The following IL1RAPL2 variants were observed in gnomAD, a reference collection of about 807,000 sequenced individuals.
The protein encoded by IL1RAPL2 is interleukin 1 receptor accessory protein like 2.
In IL1RAPL2, 3 loss-of-function variants were observed where a neutral mutation model predicts 44.1. The ratio of observed to expected loss-of-function variants is 0.07; its 90% CI spans 0.03 to 0.18. The LOEUF (loss-of-function observed/expected upper bound fraction) is 0.18, where lower values mean the gene tolerates loss of function less well. Ranked by LOEUF, IL1RAPL2 falls within the 10% of genes least tolerant of loss-of-function variation. IL1RAPL2 has a pLI of 1.00. For synonymous variants in IL1RAPL2, 181 were observed against 178.8 expected, an observed-to-expected ratio of 1.01 and a Z score of -0.10; for missense variants, 391 against 496.4, an observed-to-expected ratio of 0.79 and a Z score of 2.02.
chrX:105,447,772 A>G (rs1262872726), intron 5 of IL1RAPL2, among the ~76,000 whole-genome samples: 4 of 87,997 alleles, frequency 4.5e-5, no homozygotes, highest in Non-Finnish European at 8.2e-5. Context: ...AAATATATAT[A>G]AATATATTAA....
rs939329721 is a variant in IL1RAPL2 at position 105,626,237 on chromosome X, G to A, written c.773-91130G>A. On this transcript the variant is annotated intron_variant, in intron 6 of 10. Transcript: ENST00000372582. ...AAAGGGTGTTTTGAATTTTTGAGGT[G>A]CACACACATTTTATGTCAGAGAAAT... Among the ~76,000 whole-genome samples, 6 of 111,892 alleles carry A rather than the reference G, an allele frequency of 5.4e-5. No homozygotes were observed. In the East Asian group the frequency reaches 1.7e-3, roughly 32 times the overall value.
intron 2 of IL1RAPL2, among the ~76,000 whole-genome samples, chrX:105,158,775 T>G (rs1411581388): frequency 8.9e-6 from 1 of 111,992 alleles, no homozygotes; most frequent in Non-Finnish European, 1.9e-5. Context: ...GAGAGTCACA[T>G]AACATATGGG....
At chrX:105,696,081 C>A (rs2038074262) in intron 6 of IL1RAPL2, among the ~76,000 whole-genome samples, 1 of 112,059 alleles carries the variant, frequency 8.9e-6, no homozygotes, top group African/African-American at 3.2e-5. Context: ...ATGCAGCCTG[C>A]TAATATTCAG....
At chrX:105,137,925 TAGTC>T (rs746622852) in intron 2 of IL1RAPL2, among the ~76,000 whole-genome samples, 28 of 110,950 alleles carry the variant, frequency 2.5e-4, no homozygotes, top group African/African-American at 7.5e-4. Flanking sequence ...AAATAAAAAT[TAGTC>T]AGGCATGGTG....
intron 2 of IL1RAPL2, among the ~76,000 whole-genome samples, chrX:105,168,884 T>A (rs937593102): frequency 9.0e-6 from 1 of 110,871 alleles, no homozygotes; most frequent in Non-Finnish European, 1.9e-5. Flanking sequence ...CAGAATAATG[T>A]TTGACCAAAT....
At chrX:105,031,140 T>G in intron 2 of IL1RAPL2, among the ~76,000 whole-genome samples, 1 of 110,608 alleles carries the variant, frequency 9.0e-6, no homozygotes, top group Middle Eastern at 4.6e-3. Flanking sequence ...GAGGAGATTT[T>G]GGGCTGAGAC....
chrX:105,196,827 A>G (rs1034182991), intron 3 of IL1RAPL2, among the ~76,000 whole-genome samples: 1 of 110,984 alleles, frequency 9.0e-6, no homozygotes, highest in Non-Finnish European at 1.9e-5. Flanking sequence ...GCCACCTTTC[A>G]ATTCTGCAAT....
chrX:105,434,656 G>A (rs1407748330), intron 5 of IL1RAPL2, among the ~76,000 whole-genome samples: 4 of 112,018 alleles, frequency 3.6e-5, no homozygotes, highest in African/African-American at 1.3e-4. Flanking sequence ...CTCACATTCT[G>A]TAGGTTGCCT....
chrX:105,231,409 T>C (rs782726116), intron 3 of IL1RAPL2, among the ~76,000 whole-genome samples: 4 of 111,890 alleles, frequency 3.6e-5, no homozygotes, highest in Non-Finnish European at 5.6e-5. Flanking sequence ...CCATATACCT[T>C]CATCTGAAGG....
At chrX:104,830,664 G>A (rs1273517304) in intron 2 of IL1RAPL2, among the ~76,000 whole-genome samples, 1 of 111,472 alleles carries the variant, frequency 9.0e-6, no homozygotes, top group African/African-American at 3.3e-5. Flanking sequence ...TCATATTTAA[G>A]CTCTTCCATT....
At chrX:105,125,073 T>G (rs1351293541) in intron 2 of IL1RAPL2, among the ~76,000 whole-genome samples, 3 of 110,996 alleles carry the variant, frequency 2.7e-5, no homozygotes, top group Non-Finnish European at 5.7e-5. Context: ...TGACATTTCA[T>G]TTGTGTATGG....
chrX:105,406,335 G>A (rs192879266), intron 5 of IL1RAPL2: 90 of 1,060,888 alleles, frequency 8.5e-5, no homozygotes, highest in Admixed American at 6.8e-4. Context: ...AACTCCTTGC[G>A]TCATGGACAG....
At chrX:105,171,108 C>T (rs189267559) in intron 2 of IL1RAPL2, among the ~76,000 whole-genome samples, 20 of 111,904 alleles carry the variant, frequency 1.8e-4, no homozygotes, top group African/African-American at 6.5e-4. Context: ...CTAAGACCCT[C>T]TATGAGGCCC....
At chrX:104,870,842 TGTTA>T (rs1200380101) in intron 2 of IL1RAPL2, among the ~76,000 whole-genome samples, 3 of 111,585 alleles carry the variant, frequency 2.7e-5, no homozygotes, top group Non-Finnish European at 3.8e-5. Context: ...ATTTCTAAAT[TGTTA>T]GTTGTGAGTA....
At chrX:104,922,104 T>C (rs1232839692) in intron 2 of IL1RAPL2, among the ~76,000 whole-genome samples, 1 of 111,815 alleles carries the variant, frequency 8.9e-6, no homozygotes, top group East Asian at 2.9e-4. Flanking sequence ...AACCCAGCCC[T>C]GCCCAGTTTT....
At chrX:104,913,167 A>G (rs1344088091) in intron 2 of IL1RAPL2, among the ~76,000 whole-genome samples, 1 of 111,685 alleles carries the variant, frequency 9.0e-6, no homozygotes, top group African/African-American at 3.3e-5. Flanking sequence ...ATATTGATAT[A>G]TCATTAAAAA....
chrX:104,683,061 T>G (rs1039224036), intron 2 of IL1RAPL2, among the ~76,000 whole-genome samples: 1 of 111,461 alleles, frequency 9.0e-6, no homozygotes, highest in Non-Finnish European at 1.9e-5. Flanking sequence ...ACCGGATCTA[T>G]GGAAAAGAAA....
At chrX:105,267,191 T>C (rs774185470) in intron 4 of IL1RAPL2, among the ~76,000 whole-genome samples, 197 bp from the exon 5 acceptor site, 7 of 111,782 alleles carry the variant, frequency 6.3e-5, no homozygotes, top group African/African-American at 9.7e-5. Flanking sequence ...TGGTTTGTAG[T>C]GCAGTAGTTG....
chrX:104,568,477 G>A (rs1414380883), intron 1 of IL1RAPL2, among the ~76,000 whole-genome samples: 2 of 111,923 alleles, frequency 1.8e-5, no homozygotes, highest in African/African-American at 6.5e-5. Flanking sequence ...GCCGACCCAA[G>A]GTTTTGGCTT....
Sources: gnomAD v4.1 joint callset for allele counts (sites outside exome capture counted in the v4.1 genomes callset) on GRCh38, gnomAD v4.1.1 for gene constraint, MANE v1.5 for transcripts, NCBI Gene and HGNC (gene_info 2026-07-23, HGNC 2026-07-21) for gene names.